The following FMNL2 variants were observed in gnomAD, a reference collection of about 807,000 sequenced individuals.
The protein encoded by FMNL2 is formin-like protein 2.
In FMNL2, 51 loss-of-function variants were observed where a neutral mutation model predicts 130.2. The ratio of observed to expected loss-of-function variants is 0.39; its 90% CI spans 0.31 to 0.49. The LOEUF (loss-of-function observed/expected upper bound fraction) is 0.49. Among genes scored for constraint, FMNL2 ranks in the 20% least tolerant of loss-of-function variants. The pLI, the probability that FMNL2 is intolerant of heterozygous loss-of-function variation, is 0.85. For synonymous variants in FMNL2, 465 were observed against 467.1 expected (o/e 1.00, Z 0.06); for missense variants, 977 against 1,316.2 (o/e 0.74, Z 3.99).
intron 1 of FMNL2, chr2:152,389,962 C>T (rs1685010668): frequency 7.5e-7 from 1 of 1,326,124 alleles, no homozygotes; most frequent in Admixed American, 1.8e-5. Flanking sequence ...GACCTCGGGG[C>T]CCCAGATAAA....
intron 6 of FMNL2, among the ~76,000 whole-genome samples, chr2:152,569,884 G>A (rs1479163587): frequency 7.9e-5 from 12 of 151,292 alleles, no homozygotes; most frequent in Admixed American, 7.9e-4. Flanking sequence ...GGTGGCACAT[G>A]CCTGTAATCT....
intron 1 of FMNL2, among the ~76,000 whole-genome samples, chr2:152,475,955 T>C (rs1579756944): frequency 6.6e-6 from 1 of 152,362 alleles, no homozygotes; most frequent in Non-Finnish European, 1.5e-5. Flanking sequence ...AGTTTAAAAA[T>C]AGGAAAATTC....
intron 25 of FMNL2, among the ~76,000 whole-genome samples, chr2:152,645,099 C>T (rs1683436094): frequency 6.6e-6 from 1 of 152,216 alleles, no homozygotes; most frequent in Non-Finnish European, 1.5e-5. Context: ...TCATTGCCTG[C>T]TCTGCAGTGT....
chr2:152,638,909 G>T (rs1242700060), intron 23 of FMNL2, among the ~76,000 whole-genome samples: 2 of 152,252 alleles, frequency 1.3e-5, no homozygotes, highest in Admixed American at 6.5e-5. Flanking sequence ...AGGTTGGGAA[G>T]TGGCTGGGGT....
intron 21 of FMNL2, among the ~76,000 whole-genome samples, chr2:152,633,756 G>A (rs1184631569): frequency 6.6e-6 from 1 of 152,208 alleles, no homozygotes; most frequent in Non-Finnish European, 1.5e-5. Context: ...ATGTTAAAAA[G>A]CTATTATAAT....
At chr2:152,394,619 T>A (rs1685293402) in intron 1 of FMNL2, among the ~76,000 whole-genome samples, 1 of 151,434 alleles carries the variant, frequency 6.6e-6, no homozygotes, top group Non-Finnish European at 1.5e-5. Flanking sequence ...GAAAAAAAAA[T>A]TTTGACTTTT....
At chr2:152,512,975 A>G (rs963537569) in intron 1 of FMNL2, among the ~76,000 whole-genome samples, 3 of 152,216 alleles carry the variant, frequency 2.0e-5, no homozygotes, top group African/African-American at 7.2e-5. Flanking sequence ...GTGCACAAAC[A>G]CCCTCCAACA....
intron 1 of FMNL2, among the ~76,000 whole-genome samples, chr2:152,501,228 G>A (rs74345407): frequency 0.073 from 11,136 of 152,120 alleles, 645 homozygotes; most frequent in Admixed American, 0.21. Context: ...ATGTATTTAA[G>A]GATTATCTCT....
At chr2:152,554,661 C>T (rs1181451706) in intron 4 of FMNL2, among the ~76,000 whole-genome samples, 1 of 152,044 alleles carries the variant, frequency 6.6e-6, no homozygotes, top group African/African-American at 2.4e-5. Context: ...TACAGGTTTT[C>T]CAGAATTCTA....
intron 9 of FMNL2, among the ~76,000 whole-genome samples, chr2:152,593,148 G>C (rs1697526655): frequency 6.6e-6 from 1 of 152,104 alleles, no homozygotes; most frequent in African/African-American, 2.4e-5. Flanking sequence ...TATCTGACCA[G>C]GGTCCATGTT....
chr2:152,589,987 A>ATATGTATGTATATGTATATG (rs70974871), intron 9 of FMNL2, among the ~76,000 whole-genome samples: 6,888 of 54,052 alleles, frequency 0.13, 480 homozygotes, highest in Non-Finnish European at 0.16. Flanking sequence ...ATATATATGT[A>ATATGTATGTATATGTATATG]TATGTATATG....
intron 9 of FMNL2, among the ~76,000 whole-genome samples, chr2:152,595,263 G>A (rs185677638): frequency 1.3e-5 from 2 of 152,278 alleles, no homozygotes; most frequent in Admixed American, 1.3e-4. Context: ...TAGCACATTG[G>A]TAAAAGATAA....
chr2:152,628,511 A>G lies in FMNL2; in HGVS notation c.2378A>G (p.Glu793Gly). The change falls in exon 18 of 26, where the codon GAA (glutamate) becomes GGA (glycine). Residue 793 changes from glutamate (E) to glycine (G), a missense_variant. Around this residue, in one of 4 missense-constraint regions of FMNL2, gnomAD observed 689 missense variants for 995.9 expected, o/e 0.69. Coordinates refer to ENST00000288670, the MANE Select transcript of FMNL2 (RefSeq NM_052905.4). ...ATGGCCTTCATTGGGAACTTTGCTG[A>G]AAGCATTCAGATGCTGACTCCTGTG... ...TIMAFIGNFAESIQMLTPQLH... is the reference protein window; with the variant it reads ...TIMAFIGNFAGSIQMLTPQLH... The G allele has an allele frequency of 6.2e-7, 1 of 1,614,016 alleles. No homozygotes were observed. The highest frequency in any genetic ancestry group is 8.5e-7 in the Non-Finnish European group (1 of 1,179,874).
chr2:152,566,749 T>A (rs947766131), intron 6 of FMNL2, among the ~76,000 whole-genome samples: 4 of 152,198 alleles, frequency 2.6e-5, no homozygotes, highest in Admixed American at 6.5e-5. Flanking sequence ...AGCACATATA[T>A]GAAATGTCAT....
intron 1 of FMNL2, among the ~76,000 whole-genome samples, chr2:152,373,156 C>CT (rs1403577503): frequency 1.3e-5 from 2 of 152,126 alleles, no homozygotes; most frequent in Non-Finnish European, 2.9e-5. Context: ...TAAAATTTTG[C>CT]TAAAAATTGG....
At chr2:152,348,776 T>A (rs1682278779) in intron 1 of FMNL2, among the ~76,000 whole-genome samples, 1 of 151,770 alleles carries the variant, frequency 6.6e-6, no homozygotes, top group African/African-American at 2.4e-5. Flanking sequence ...AGTGCTTTGC[T>A]GTTTGCAGAG....
At chr2:152,601,303 C>CTTTTT (rs10567754) in intron 9 of FMNL2, among the ~76,000 whole-genome samples, 1 of 134,740 alleles carries the variant, frequency 7.4e-6, no homozygotes, top group Non-Finnish European at 1.6e-5. Flanking sequence ...TTTCTTTTTT[C>CTTTTT]TTTTTTTTTT....
At chr2:152,417,955 C>T (rs1471975934) in intron 1 of FMNL2, among the ~76,000 whole-genome samples, 3 of 152,132 alleles carry the variant, frequency 2.0e-5, no homozygotes, top group East Asian at 1.9e-4. Context: ...AAGCAATTCT[C>T]ATGCCTCAGC....
intron 1 of FMNL2, among the ~76,000 whole-genome samples, chr2:152,500,810 A>G (rs1489496815): frequency 6.6e-6 from 1 of 152,224 alleles, no homozygotes; most frequent in Non-Finnish European, 1.5e-5. Flanking sequence ...AGATCACACC[A>G]CTTCACTCCA....
Sources: gnomAD v4.1 joint callset for allele counts (sites outside exome capture counted in the v4.1 genomes callset) on GRCh38, gnomAD v4.1.1 for gene constraint, gnomAD v4.1.1 regional missense constraint, MANE v1.5 for transcripts, NCBI Gene and HGNC (gene_info 2026-07-23, HGNC 2026-07-21) for gene names.